The following FYCO1 variants were observed in gnomAD, a reference collection of about 807,000 sequenced individuals.
FYCO1 encodes FYVE and coiled-coil domain-containing protein 1.
Under a neutral mutation model 165.1 loss-of-function variants are expected in FYCO1, and 122 were observed. The observed-to-expected ratio is 0.74, with a 90% confidence interval of 0.64 to 0.86. The LOEUF (loss-of-function observed/expected upper bound fraction) is 0.86. Ranked by LOEUF, FYCO1 falls within the 40% of genes least tolerant of loss-of-function variation. The pLI, the probability that FYCO1 is intolerant of heterozygous loss-of-function variation, is 0.00. For missense variants in FYCO1, 1,702 were observed against 1,810.3 expected, an observed-to-expected ratio of 0.94 and a Z score of 1.09; for synonymous variants, 648 against 742.5, an observed-to-expected ratio of 0.87 and a Z score of 2.07.
In FYCO1 at chr3:45,967,375, T is replaced by C. The variant is rs758541520; in HGVS notation, c.1959A>G (p.Glu653=). ...QADYQALQQR[E]SAIQGSLASL... ...AGGCCAAGGAGCCCTGGATGGCTGA[T>C]TCCCGCTGCTGCAAAGCCTGGTAAT... The change falls in exon 8 of 18, where the codon GAA becomes GAG. Residue 653 remains glutamate (E), a synonymous_variant. Transcript: ENST00000296137. The C allele has an allele frequency of 3.7e-6, 6 of 1,610,452 alleles. No individual in the cohort carries two copies. The highest frequency in any genetic ancestry group is 4.2e-6 in the Non-Finnish European group (5 of 1,177,686).
chr3:45,930,408 C>T (rs1255416158), intron 16 of FYCO1, among the ~76,000 whole-genome samples: 1 of 122,872 alleles, frequency 8.1e-6, no homozygotes, highest in African/African-American at 3.1e-5. Flanking sequence ...CCACCTCATC[C>T]TTTCCACTTT....
Position 45,966,772 on chromosome 3 carries a change from T to C in FYCO1, c.2562A>G (p.Ala854=). The change falls in exon 8 of 18, where the codon GCA becomes GCG. Residue 854 remains alanine, a synonymous_variant. Coordinates refer to ENST00000296137, the MANE Select transcript of FYCO1 (RefSeq NM_024513.4). ...ELLQCSEREG[A]LQEERADEAQ... ...CCTCATCGGCCCTCTCCTCCTGCAG[T>C]GCCCCTTCACGCTCCGAGCATTGCA... is the stretch of plus-strand genomic sequence containing the variant. 1 of 1,610,134 alleles carries C rather than the reference T, an allele frequency of 6.2e-7. No homozygotes were observed. The highest frequency in any genetic ancestry group is 8.5e-7 in the Non-Finnish European group (1 of 1,179,966).
chr3:45,955,285 G>A lies in FYCO1; in HGVS notation c.3908C>T (p.Thr1303Ile), dbSNP rs772791978. 6.2e-7 allele frequency: 1 copy of A among 1,614,042 alleles called. No individual in the cohort carries two copies. The highest frequency in any genetic ancestry group is 1.7e-5 in the Admixed American group (1 of 60,008). Residue 1303 changes from threonine to isoleucine, a missense_variant, in exon 14 of 18, where the codon ACT becomes ATT. Transcript: ENST00000296137. ...ATTTGGGTCGAGAGAATCAGTTTCA[G>A]TGGGTGTTTCAGGCAAAGAGGAGCC... ...ESGSSLPETP[T>I]ETDSLDPNAA...
At chr3:45,926,796 C>T (rs1703339413) in intron 16 of FYCO1, among the ~76,000 whole-genome samples, 1 of 152,206 alleles carries the variant, frequency 6.6e-6, no homozygotes, top group East Asian at 1.9e-4. Flanking sequence ...AAAACCCCAT[C>T]TCTAATAAAA....
Position 45,983,100 on chromosome 3 carries a change from A to G in FYCO1, c.56-1424T>C, listed in dbSNP as rs201870977. 9.2e-5 allele frequency among the ~76,000 whole-genome samples: 14 copies of G among 152,358 alleles called. 1 individual carries two copies. In the East Asian group the frequency reaches 2.7e-3, roughly 29 times the overall value. ...GAATTACTATTTGATTCTTTCAATA[A>G]TCTTGAGAAGTGGGTGTTATCATCA... On this transcript the variant is annotated intron_variant, in intron 2 of 17. Transcript: ENST00000296137.
chr3:45,931,156 C>T lies in FYCO1; in HGVS notation c.4166G>A (p.Ser1389Asn). The T allele has an allele frequency of 1.2e-6, 2 of 1,614,046 alleles. No homozygotes were observed. Among genetic ancestry groups the T allele is most frequent in the Non-Finnish European group, 8.5e-7 (1 of 1,179,940 alleles). Residue 1389 changes from serine to asparagine, a missense_variant, in exon 16 of 18, where the codon AGC (serine) becomes AAC (asparagine). By Grantham distance (46) the Ser-to-Asn change is conservative. Coordinates refer to ENST00000296137, the MANE Select transcript of FYCO1 (RefSeq NM_024513.4). ...CTTGGGGTCAGAGGAGAAGACCCAG[C>T]TGATGGTGAGGCCTGCCTCGGCCAC... is the stretch of plus-strand genomic sequence containing the variant. ...ITVAEAGLTI[S>N]WVFSSDPKSI... is the part of the protein sequence containing the mutation.
chr3:45,921,459 C>T lies in FYCO1; in HGVS notation c.*306G>A. On this transcript the variant is annotated 3_prime_UTR_variant, in exon 18 of 18. Transcript: ENST00000296137. ...CACAAGAGGCCTGTAGCCAACTGTG[C>T]TCCCAGGAGAGGCTGATGGTCTCCT... 1 of 396,786 alleles carries T rather than the reference C, an allele frequency of 2.5e-6. No homozygotes were observed. The highest frequency in any genetic ancestry group is 4.8e-6 in the Non-Finnish European group (1 of 207,686). The allele number at this position is 396,786 out of a possible 1,614,324, so 24.6% of individuals were successfully genotyped here.
At chr3:45,959,606 C>T in intron 11 of FYCO1, 64 bp from the exon 12 acceptor site, 5 of 1,535,448 alleles carry the variant, frequency 3.3e-6, no homozygotes, top group South Asian at 1.1e-5. Flanking sequence ...GATGATCCTT[C>T]TTCATTTCAA....
chr3:45,981,628 A>G lies in FYCO1; in HGVS notation c.104T>C (p.Ile35Thr), dbSNP rs1437317268. 1 of 1,614,134 alleles carries G rather than the reference A, an allele frequency of 6.2e-7. No individual in the cohort carries two copies. ...ATGCAAGCTGGTGCTGTCATCCGTG[A>G]TGGGTTCCCCTGCTTCCTGAAATTC... ...SKEFQEAGEP[I>T]TDDSTSLHKF... is the part of the protein sequence containing the mutation. The change falls in exon 3 of 18, where the codon ATC becomes ACC. Residue 35 changes from isoleucine to threonine, a missense_variant. Ile to Thr is a moderately conservative substitution (Grantham distance 89). Coordinates refer to ENST00000296137, the MANE Select transcript of FYCO1 (RefSeq NM_024513.4).
chr3:45,991,515 C>G (rs1395752088), intron 1 of FYCO1, among the ~76,000 whole-genome samples: 1 of 152,226 alleles, frequency 6.6e-6, no homozygotes, highest in Non-Finnish European at 1.5e-5. Context: ...CCTTCTGTGG[C>G]TGGGCCCTGC....
At chr3:45,950,195 G>A (rs1404592159) in intron 14 of FYCO1, among the ~76,000 whole-genome samples, 1 of 152,078 alleles carries the variant, frequency 6.6e-6, no homozygotes, top group East Asian at 1.9e-4. Context: ...GAGGGGATGA[G>A]GCTGGGTGTG....
chr3:45,930,692 A>G (rs999296561), intron 16 of FYCO1, among the ~76,000 whole-genome samples: 7 of 152,248 alleles, frequency 4.6e-5, no homozygotes, highest in East Asian at 3.8e-4. Flanking sequence ...GCTAAAAACT[A>G]GAGGAAGAGA....
intron 13 of FYCO1, among the ~76,000 whole-genome samples, chr3:45,957,358 C>A (rs1190489553): frequency 2.0e-5 from 3 of 152,104 alleles, no homozygotes; most frequent in African/African-American, 7.2e-5. Flanking sequence ...GACATGACAA[C>A]AAAAAGAAAA....
Position 45,931,250 on chromosome 3 carries a change from C to T in FYCO1, c.4072G>A (p.Ala1358Thr), listed in dbSNP as rs548302344. ...IKVPLTVDEI[A>T]SFGEGSRELF... ...TCCCTGCTACCCTCCCCGAAGCTGG[C>T]GATCTCATCCACTGTGAGGGGTACT... is the stretch of plus-strand genomic sequence containing the variant. Residue 1358 changes from alanine to threonine, a missense_variant, in exon 16 of 18, where the codon GCC becomes ACC. Transcript: ENST00000296137. 3.9e-5 allele frequency: 63 copies of T among 1,613,866 alleles called. No individual in the cohort carries two copies. The Admixed American group carries it at 5.2e-4, about 13-fold the overall frequency.
In FYCO1 at chr3:45,946,641, G is replaced by T. The variant is rs1171018217; in HGVS notation, c.3944+8608C>A. The T allele has an allele frequency of 3.1e-6, 5 of 1,614,092 alleles. No individual in the cohort carries two copies. The African/African-American group carries it at 6.7e-5, about 22-fold the overall frequency. On this transcript the variant is annotated intron_variant, in intron 14 of 17. Coordinates refer to ENST00000296137, the MANE Select transcript of FYCO1 (RefSeq NM_024513.4). Reference sequence around the variant, plus strand: ...TCTGGTGGGGAACTCTCTGGTGCTGGTCATATCCATCTTCTACCATAAGTT... The same window carrying T: ...TCTGGTGGGGAACTCTCTGGTGCTGTTCATATCCATCTTCTACCATAAGTT...
intron 3 of FYCO1, among the ~76,000 whole-genome samples, chr3:45,980,798 G>A (rs1707007319): frequency 6.6e-6 from 1 of 152,062 alleles, no homozygotes. Context: ...TATGTTATTA[G>A]GATATCTAGA....
chr3:45,975,124 C>T (rs1256891379), intron 5 of FYCO1, 115 bp downstream of exon 5: 2 of 797,462 alleles, frequency 2.5e-6, no homozygotes, highest in African/African-American at 1.7e-5. Context: ...AAGGAGTCTG[C>T]AGTGTCACGG....
At position 45,962,132 on chromosome 3, in the gene FYCO1, T is replaced by C; in HGVS notation, c.3437+93A>G. 7.2e-7 allele frequency: 1 copy of C among 1,390,374 alleles called. No homozygotes were observed. Among genetic ancestry groups the C allele is most frequent in the Non-Finnish European group, 1.0e-6 (1 of 979,024 alleles). 86.1% of individuals were successfully genotyped at this position (1,390,374 alleles called of 1,614,324 possible). A position where few individuals can be genotyped will look rare whatever the true frequency, so the allele number is the denominator to read the frequency against. The stretch of plus-strand genomic sequence containing the variant: ...GACAGCAGCAAGAAAGTGGGGAAAT[T>C]TCTGAAGTATGCTTTCAAGAACAGC... On this transcript the variant is annotated intron_variant, in intron 11 of 17. Transcript: ENST00000296137. The surrounding 1 kb of genome is among the most constrained non-coding windows in gnomAD (Gnocchi z 4.4).
chr3:45,968,749 C>T (rs1193074917), intron 7 of FYCO1, 46 bp from the exon 8 acceptor site: 2 of 1,611,894 alleles, frequency 1.2e-6, no homozygotes, highest in South Asian at 2.2e-5. Flanking sequence ...GATGAAGCTA[C>T]AGGGCTATTT....
Sources: gnomAD v4.1 joint callset for allele counts (sites outside exome capture counted in the v4.1 genomes callset) on GRCh38, gnomAD v4.1.1 for gene constraint, Gnocchi (gnomAD v3.1) non-coding constraint, MANE v1.5 for transcripts, NCBI Gene and HGNC (gene_info 2026-07-23, HGNC 2026-07-21) for gene names.